The following EYS variants were observed in gnomAD, a reference collection of about 807,000 sequenced individuals.
EYS encodes EGF-like photoreceptor maintenance factor, also known as protein eyes shut homolog.
A neutral mutation model predicts 282.1 loss-of-function variants in EYS; 250 were observed. The observed-to-expected ratio is 0.89, with a 90% CI of 0.80 to 0.98. The LOEUF is 0.98. Ranked by LOEUF, EYS falls within the 50% of genes least tolerant of loss-of-function variation. EYS has a pLI of 0.00. For missense variants in EYS, 4,016 were observed against 3,709.0 expected (o/e 1.08, Z -2.15); for synonymous variants, 1,355 against 1,282.9 (o/e 1.06, Z -1.20).
At chr6:64,968,171 G>A (rs9345573) in intron 14 of EYS, among the ~76,000 whole-genome samples, 1 of 151,888 alleles carries the variant, frequency 6.6e-6, no homozygotes, top group Non-Finnish European at 1.5e-5. Flanking sequence ...AATTAACTTC[G>A]ATTTTTAAAA....
chr6:64,739,076 G>A (rs569913967), intron 22 of EYS, among the ~76,000 whole-genome samples: 1 of 152,206 alleles, frequency 6.6e-6, no homozygotes, highest in Non-Finnish European at 1.5e-5. Flanking sequence ...TTTTCTTCCT[G>A]TTTGTACAAG....
At chr6:65,484,113 C>T (rs1463728226) in intron 5 of EYS, among the ~76,000 whole-genome samples, 1 of 149,532 alleles carries the variant, frequency 6.7e-6, no homozygotes, top group African/African-American at 2.5e-5. Flanking sequence ...ACATTTGGCA[C>T]AGGCTGTACA....
chr6:65,230,435 T>A (rs1294236749), intron 12 of EYS, among the ~76,000 whole-genome samples: 1 of 151,906 alleles, frequency 6.6e-6, no homozygotes, highest in Non-Finnish European at 1.5e-5. Context: ...ATGCATACAA[T>A]TAGTTTTCCC....
chr6:64,656,560 G>A (rs183987941), intron 22 of EYS, among the ~76,000 whole-genome samples: 2 of 152,150 alleles, frequency 1.3e-5, no homozygotes, highest in Non-Finnish European at 2.9e-5. Flanking sequence ...GAAAGAGAAT[G>A]TAGAAAATGA....
At position 65,672,645 on chromosome 6, in the gene EYS, C is replaced by G. The variant is rs1190636578; in HGVS notation, c.-447-32753G>C. On this transcript the variant is annotated intron_variant, in intron 1 of 42. Coordinates refer to ENST00000503581, the MANE Select transcript of EYS (RefSeq NM_001142800.2). ...CAAAAAACTATCTCCAGAAATAAGT[C>G]CTAAAGAAATGGAGATATATGAATT... Among the ~76,000 whole-genome samples, 3 of 152,052 alleles carry G rather than the reference C, an allele frequency of 2.0e-5. No homozygotes were observed. In the East Asian group the frequency reaches 5.8e-4, roughly 30 times the overall value.
At chr6:64,743,472 A>T (rs1432665426) in intron 22 of EYS, among the ~76,000 whole-genome samples, 1 of 151,912 alleles carries the variant, frequency 6.6e-6, no homozygotes, top group Non-Finnish European at 1.5e-5. Context: ...TCAATTTTCA[A>T]TTTTTTTTCT....
chr6:64,539,455 G>C (rs919052166), intron 26 of EYS, among the ~76,000 whole-genome samples: 2 of 152,060 alleles, frequency 1.3e-5, no homozygotes, highest in Non-Finnish European at 2.9e-5. Context: ...CACATCTGTA[G>C]GCCTAGTTAC....
intron 2 of EYS, among the ~76,000 whole-genome samples, chr6:65,570,141 G>T (rs531227897): frequency 6.6e-6 from 1 of 151,880 alleles, no homozygotes; most frequent in Admixed American, 6.6e-5. Context: ...ATAAAAAAAA[G>T]TTATTTTCCT....
intron 22 of EYS, among the ~76,000 whole-genome samples, chr6:64,672,781 GA>G (rs1013164078): frequency 6.6e-6 from 1 of 151,866 alleles, no homozygotes; most frequent in Non-Finnish European, 1.5e-5. Flanking sequence ...CTGACAACCA[GA>G]AAAAAACAGT....
At chr6:65,571,048 G>A (rs1490546507) in intron 2 of EYS, among the ~76,000 whole-genome samples, 4 of 151,984 alleles carry the variant, frequency 2.6e-5, no homozygotes, top group South Asian at 4.2e-4. Flanking sequence ...TTGGTGGGGC[G>A]GGAGAATATA....
intron 2 of EYS, among the ~76,000 whole-genome samples, chr6:65,620,165 C>T (rs564327787): frequency 6.6e-5 from 10 of 152,268 alleles, no homozygotes; most frequent in African/African-American, 2.4e-4. Context: ...TAGAATTCGG[C>T]TGTGAATCCA....
intron 33 of EYS, among the ~76,000 whole-genome samples, chr6:64,034,046 C>A (rs1329509940): frequency 2.6e-5 from 4 of 152,088 alleles, no homozygotes; most frequent in African/African-American, 9.7e-5. Context: ...AAAAATGGAT[C>A]TAGATTCCTA....
intron 24 of EYS, among the ~76,000 whole-genome samples, chr6:64,601,971 T>C (rs1766774723): frequency 6.6e-6 from 1 of 152,044 alleles, no homozygotes; most frequent in Non-Finnish European, 1.5e-5. Context: ...CCCTCACTCT[T>C]CCTTTGGATT....
intron 5 of EYS, among the ~76,000 whole-genome samples, chr6:65,477,323 C>T (rs1444777533): frequency 1.3e-5 from 2 of 152,108 alleles, no homozygotes; most frequent in Non-Finnish European, 2.9e-5. Context: ...ACATGGAGTT[C>T]TATAAATTGT....
chr6:64,507,671 A>G (rs1582833095), intron 26 of EYS, among the ~76,000 whole-genome samples: 1 of 152,210 alleles, frequency 6.6e-6, no homozygotes, highest in African/African-American at 2.4e-5. Flanking sequence ...TAAAGGCATA[A>G]GAATCTCTCA....
intron 22 of EYS, among the ~76,000 whole-genome samples, chr6:64,748,589 C>T (rs1772636064): frequency 6.6e-6 from 1 of 152,128 alleles, no homozygotes; most frequent in South Asian, 2.1e-4. Context: ...TCATTGTGTT[C>T]CCAGAAGGAA....
At chr6:64,572,142 A>G (rs1193660249) in intron 26 of EYS, among the ~76,000 whole-genome samples, 2 of 152,196 alleles carry the variant, frequency 1.3e-5, no homozygotes, top group Non-Finnish European at 2.9e-5. Context: ...AAAAAACATA[A>G]TCCATCACAT....
intron 26 of EYS, among the ~76,000 whole-genome samples, chr6:64,445,708 T>C (rs776019329): frequency 5.9e-5 from 9 of 152,176 alleles, no homozygotes; most frequent in Non-Finnish European, 1.3e-4. Flanking sequence ...ATGATTCCAA[T>C]GTGATGGCTA....
At chr6:63,834,073 A>G (rs1410082555) in intron 36 of EYS, among the ~76,000 whole-genome samples, 2 of 152,244 alleles carry the variant, frequency 1.3e-5, no homozygotes, top group Admixed American at 1.3e-4. Flanking sequence ...GATGGATTAA[A>G]GACTTAAATG....
Sources: gnomAD v4.1 joint callset for allele counts (sites outside exome capture counted in the v4.1 genomes callset) on GRCh38, gnomAD v4.1.1 for gene constraint, MANE v1.5 for transcripts, NCBI Gene and HGNC (gene_info 2026-07-23, HGNC 2026-07-21) for gene names.